The following AGBL1 variants were observed in gnomAD, a reference collection of about 807,000 sequenced individuals.
AGBL1 encodes AGBL carboxypeptidase 1, also known as cytosolic carboxypeptidase 4.
AGBL1 carries 130 observed loss-of-function variants against 118.9 expected under a neutral mutation model. That is an observed-to-expected ratio of 1.09 (90% CI 0.95 to 1.26). AGBL1 has a LOEUF of 1.26. Among genes scored for constraint, AGBL1 ranks in the 50% most tolerant of loss-of-function variants. AGBL1 has a pLI of 0.00. For synonymous variants in AGBL1, 555 were observed against 478.9 expected (o/e 1.16, Z -2.08); for missense variants, 1,584 against 1,298.1 (o/e 1.22, Z -3.38).
At chr15:86,437,975 G>A (rs1162767868) in intron 18 of AGBL1, among the ~76,000 whole-genome samples, 1 of 151,834 alleles carries the variant, frequency 6.6e-6, no homozygotes, top group Non-Finnish European at 1.5e-5. Context: ...GTGCAATCTC[G>A]GCTTACTGCA....
Position 86,908,004 on chromosome 15 carries a change from C to T in AGBL1, c.*710C>T, listed in dbSNP as rs1015304425. On this transcript the variant is annotated 3_prime_UTR_variant, in exon 23 of 23. Coordinates refer to ENST00000614907, the MANE Select transcript of AGBL1 (RefSeq NM_001386094.1). ...TCACCAAACATAATGCTAGGAAGTA[C>T]CAGACCTACTGGAAAATTTATTCAT... is the stretch of plus-strand genomic sequence containing the variant. 1 of 152,052 alleles carries T rather than the reference C, an allele frequency of 6.6e-6. No individual in the cohort carries two copies. Among genetic ancestry groups the T allele is most frequent in the Non-Finnish European group, 1.5e-5 (1 of 68,024 alleles). 9.4% of individuals were successfully genotyped at this position (152,052 alleles called of 1,614,324 possible). A position where few individuals can be genotyped will look rare whatever the true frequency, so the allele number is the denominator to read the frequency against.
chr15:86,999,012 C>G (rs1172857677), intron 24 of AGBL1, among the ~76,000 whole-genome samples: 1 of 150,930 alleles, frequency 6.6e-6, no homozygotes, highest in Admixed American at 6.6e-5. Flanking sequence ...TCCCTTCCCC[C>G]ACCCCATAGC....
downstream of AGBL1, among the ~76,000 whole-genome samples, chr15:86,919,012 T>C (rs1472113976): frequency 1.3e-5 from 2 of 152,102 alleles, no homozygotes; most frequent in African/African-American, 4.8e-5. Context: ...TTTTTCAGAG[T>C]ACTACTTTGA....
chr15:86,841,147 G>A (rs925737854), intron 22 of AGBL1, among the ~76,000 whole-genome samples: 1 of 152,164 alleles, frequency 6.6e-6, no homozygotes, highest in Non-Finnish European at 1.5e-5. Context: ...AGCCCCTACA[G>A]GCAGCTCAGC....
intron 22 of AGBL1, among the ~76,000 whole-genome samples, chr15:86,835,214 A>C (rs564148781): frequency 8.5e-5 from 13 of 152,284 alleles, no homozygotes; most frequent in Non-Finnish European, 1.8e-4. Context: ...AAAGAAGTGA[A>C]GCAACTCGCT....
At chr15:86,738,579 T>G (rs2077634386) in intron 22 of AGBL1, among the ~76,000 whole-genome samples, 1 of 152,058 alleles carries the variant, frequency 6.6e-6, no homozygotes, top group African/African-American at 2.4e-5. Context: ...ACTACATGGG[T>G]TTTTCTGACT....
intron 22 of AGBL1, among the ~76,000 whole-genome samples, chr15:86,868,007 T>C (rs1040845790): frequency 4.6e-5 from 7 of 152,274 alleles, no homozygotes; most frequent in South Asian, 2.1e-4. Flanking sequence ...AGATCATATA[T>C]TGGGGCCATG....
At chr15:86,425,741 GGCCA>G (rs1269652314) in intron 18 of AGBL1, among the ~76,000 whole-genome samples, 1 of 152,100 alleles carries the variant, frequency 6.6e-6, no homozygotes. Flanking sequence ...TGATGTCCAG[GGCCA>G]ACATGCTATA....
chr15:86,189,770 C>G (rs2141824105), intron 5 of AGBL1, among the ~76,000 whole-genome samples: 1 of 152,302 alleles, frequency 6.6e-6, no homozygotes, highest in Non-Finnish European at 1.5e-5. Context: ...AAATCAACCT[C>G]TTTTCTGTGT....
intron 18 of AGBL1, among the ~76,000 whole-genome samples, chr15:86,514,408 GTTC>G (rs1448169058): frequency 3.3e-5 from 5 of 152,004 alleles, no homozygotes; most frequent in Non-Finnish European, 5.9e-5. Context: ...TTTGTGTATT[GTTC>G]TTTTTATCCT....
At chr15:86,759,817 A>G (rs573993313) in intron 22 of AGBL1, among the ~76,000 whole-genome samples, 1 of 152,280 alleles carries the variant, frequency 6.6e-6, no homozygotes, top group East Asian at 1.9e-4. Flanking sequence ...TTTGGCAACA[A>G]TAGAAACATT....
At chr15:86,776,237 C>T (rs1159971742) in intron 22 of AGBL1, among the ~76,000 whole-genome samples, 1 of 152,120 alleles carries the variant, frequency 6.6e-6, no homozygotes, top group Non-Finnish European at 1.5e-5. Context: ...AGAGACAGTA[C>T]CTTTCTGTCC....
chr15:86,711,839 A>G (rs2086564647), intron 22 of AGBL1, among the ~76,000 whole-genome samples: 1 of 152,142 alleles, frequency 6.6e-6, no homozygotes, highest in Non-Finnish European at 1.5e-5. Flanking sequence ...AAGATTGTCC[A>G]CTCTTGATTC....
At chr15:86,813,233 G>A (rs1948025001) in intron 22 of AGBL1, among the ~76,000 whole-genome samples, 2 of 151,986 alleles carry the variant, frequency 1.3e-5, no homozygotes, top group Non-Finnish European at 1.5e-5. Context: ...TGGAGGGAGA[G>A]GTTAGTAGGG....
chr15:86,912,371 G>T lies in AGBL1; in HGVS notation c.*5077G>T, dbSNP rs1032470560. The T allele has an allele frequency of 6.6e-6, 1 of 152,114 alleles. No individual in the cohort carries two copies. The highest frequency in any genetic ancestry group is 2.4e-5 in the African/African-American group (1 of 41,396). 9.4% of individuals were successfully genotyped at this position (152,114 alleles called of 1,614,324 possible). The stretch of plus-strand genomic sequence containing the variant: ...CAGGAGCTGCCACATTTACCCAGGG[G>T]CTCTGCCTCCTATGCTCCCTTTGGT... On this transcript the variant is annotated 3_prime_UTR_variant, in exon 23 of 23. Coordinates refer to ENST00000614907, the MANE Select transcript of AGBL1 (RefSeq NM_001386094.1).
At chr15:86,247,100 AT>A (rs371442470) in intron 6 of AGBL1, among the ~76,000 whole-genome samples, 23 of 152,364 alleles carry the variant, frequency 1.5e-4, no homozygotes, top group African/African-American at 5.3e-4. Flanking sequence ...AAATCTGAAA[AT>A]AAACATTGAT....
intron 21 of AGBL1, among the ~76,000 whole-genome samples, chr15:86,574,996 C>G (rs922453625): frequency 6.6e-6 from 1 of 151,266 alleles, no homozygotes; most frequent in Non-Finnish European, 1.5e-5. Context: ...TGAGACCAGC[C>G]TAACCAATAT....
intron 17 of AGBL1, among the ~76,000 whole-genome samples, chr15:86,314,313 TTTAG>T (rs1408554761): frequency 6.6e-6 from 1 of 152,114 alleles, no homozygotes; most frequent in Non-Finnish European, 1.5e-5. Context: ...CCTAGTTCTG[TTTAG>T]TTATTTTTTC....
chr15:86,616,763 C>T (rs148512458), intron 21 of AGBL1, among the ~76,000 whole-genome samples: 3,081 of 152,292 alleles, frequency 0.02, 53 homozygotes, highest in Middle Eastern at 0.044. Flanking sequence ...ACATATACTT[C>T]GCTTGTCCAT....
Sources: allele counts gnomAD v4.1 joint callset (sites outside exome capture counted in the v4.1 genomes callset), GRCh38; gene constraint gnomAD v4.1.1; transcripts MANE v1.5; gene names NCBI Gene and HGNC (gene_info 2026-07-23, HGNC 2026-07-21).